The following XG variants were observed in gnomAD, a reference collection of about 807,000 sequenced individuals.
XG encodes Xg glycoprotein (Xg blood group), also known as glycoprotein Xg.
In XG, 24 loss-of-function variants were observed where a neutral mutation model predicts 25.7. The observed-to-expected ratio is 0.93, with a 90% confidence interval of 0.68 to 1.31. XG has a LOEUF of 1.31. Among genes scored for constraint, XG ranks in the 40% most tolerant of loss-of-function variants. The probability of loss-of-function intolerance (pLI) is 0.00; values close to 1 mark genes in which losing one functional copy is unlikely to be tolerated. For synonymous variants in XG, 77 were observed against 69.2 expected, an observed-to-expected ratio of 1.11 and a Z score of -0.56; for missense variants, 181 against 187.6, an observed-to-expected ratio of 0.96 and a Z score of 0.21.
Position 2,769,633 on chromosome X carries a change from AG to A in XG, c.62-915del, listed in dbSNP as rs771711729. On this transcript the variant is annotated intron_variant, in intron 1 of 10. Transcript: ENST00000644266. Reference sequence around the variant, plus strand: ...CAGGGGCAAGTGAGGAACAAGATCAAGGTGTGCATATATGTCAGCAAGAGGG... The same window carrying A: ...CAGGGGCAAGTGAGGAACAAGATCAAGTGTGCATATATGTCAGCAAGAGGG... Among the ~76,000 whole-genome samples the A allele has an allele frequency of 1.5e-3, 232 of 152,318 alleles. 2 individuals carry two copies. Among genetic ancestry groups the A allele is most frequent in the African/African-American group, 5.3e-3 (220 of 41,582 alleles).
intron 8 of XG, among the ~76,000 whole-genome samples, chrX:2,807,149 A>G (rs367699744): frequency 8.9e-5 from 10 of 112,078 alleles, no homozygotes; most frequent in Non-Finnish European, 1.9e-4. Context: ...ACACATGTGG[A>G]TTGAGCACAT....
chrX:2,776,706 G>A (rs1880723868), intron 3 of XG, among the ~76,000 whole-genome samples: 1 of 152,160 alleles, frequency 6.6e-6, no homozygotes, highest in African/African-American at 2.4e-5. Context: ...AAATTTGCCA[G>A]GCATGGTGGC....
chrX:2,790,816 G>A lies in XG; in HGVS notation c.253+1110G>A, dbSNP rs1236062881. 2.7e-5 allele frequency among the ~76,000 whole-genome samples: 3 copies of A among 111,477 alleles called. No homozygotes were observed. In the East Asian group the frequency reaches 8.4e-4, roughly 31 times the overall value. On this transcript the variant is annotated intron_variant, in intron 5 of 10. Coordinates refer to ENST00000644266, the MANE Select transcript of XG (RefSeq NM_001141919.2). ...ACTCTGTCTCAAAAAAAGGCGGGGG[G>A]GTGGTTGGATACAAGTATTATTTAA...
At chrX:2,784,018 C>G (rs987177328) in intron 4 of XG, among the ~76,000 whole-genome samples, 1 of 111,305 alleles carries the variant, frequency 9.0e-6, no homozygotes, top group Admixed American at 9.5e-5. Flanking sequence ...AACAAAACCC[C>G]AAAACACCAC....
chrX:2,763,075 G>A (rs2050600404), intron 1 of XG, among the ~76,000 whole-genome samples: 1 of 152,156 alleles, frequency 6.6e-6, no homozygotes, highest in Non-Finnish European at 1.5e-5. Context: ...GTGTAGTGGT[G>A]CAATCTTGGC....
At chrX:2,780,866 C>T (rs887875228) in intron 3 of XG, among the ~76,000 whole-genome samples, 3 of 152,100 alleles carry the variant, frequency 2.0e-5, no homozygotes, top group African/African-American at 7.2e-5. Flanking sequence ...TTCTGATTAG[C>T]CTTTCCAAAG....
intron 1 of XG, among the ~76,000 whole-genome samples, chrX:2,765,215 G>A (rs1009440922): frequency 6.6e-6 from 1 of 151,656 alleles, no homozygotes; most frequent in Non-Finnish European, 1.5e-5. Context: ...GGCATAGTAG[G>A]GGGCGCCTGT....
At chrX:2,801,144 AAG>A (rs754043295) in intron 7 of XG, among the ~76,000 whole-genome samples, 1 of 110,927 alleles carries the variant, frequency 9.0e-6, no homozygotes, top group East Asian at 2.8e-4. Flanking sequence ...GCAATAGAGA[AAG>A]AGTTTAATTC....
chrX:2,764,023 A>G (rs1433456117), intron 1 of XG, among the ~76,000 whole-genome samples: 1 of 152,188 alleles, frequency 6.6e-6, no homozygotes, highest in Non-Finnish European at 1.5e-5. Context: ...GGAGGTTGAC[A>G]CAAGAAACAA....
intron 1 of XG, among the ~76,000 whole-genome samples, chrX:2,757,971 CAAAAAAAAAAAAAA>C (rs59540338): frequency 3.5e-4 from 31 of 88,648 alleles, no homozygotes; most frequent in African/African-American, 6.4e-4. Flanking sequence ...GACTCCATCT[CAAAAAAAAAAAAAA>C]AAAAAAAAAA....
chrX:2,788,242 G>C (rs761853568), intron 4 of XG, among the ~76,000 whole-genome samples: 7 of 112,298 alleles, frequency 6.2e-5, no homozygotes, highest in Non-Finnish European at 1.1e-4. Context: ...TTTCACTCTT[G>C]AGCCAATGTG....
At chrX:2,782,019 G>T in intron 3 of XG, 47 bp from the exon 4 acceptor site, 1 of 1,170,911 alleles carries the variant, frequency 8.5e-7, no homozygotes, top group Non-Finnish European at 1.2e-6. Flanking sequence ...GCTCCTAAGG[G>T]AAGGACAATT....
chrX:2,776,007 G>A (rs1302115775), intron 3 of XG, among the ~76,000 whole-genome samples: 1 of 151,354 alleles, frequency 6.6e-6, no homozygotes, highest in Non-Finnish European at 1.5e-5. Flanking sequence ...ATAATTCCCG[G>A]GGCCGGGCGC....
At chrX:2,813,764 T>C (rs2147100067) in intron 10 of XG, among the ~76,000 whole-genome samples, 1 of 112,385 alleles carries the variant, frequency 8.9e-6, no homozygotes, top group African/African-American at 3.2e-5. Context: ...TCAGAAGTTA[T>C]AAAGACCAAC....
chrX:2,770,732 C>T, intron 2 of XG, 141 bp downstream of exon 2: 1 of 971,826 alleles, frequency 1.0e-6, no homozygotes, highest in Non-Finnish European at 1.6e-6. Context: ...CAGGAGATTG[C>T]AGACACCTTG....
At position 2,752,307 on chromosome X, in the gene XG, G is replaced by A. The variant is rs144280532; in HGVS notation, c.33G>A (p.Ala11=). 20 of 1,613,586 alleles carry A rather than the reference G, an allele frequency of 1.2e-5. No individual in the cohort carries two copies. Among genetic ancestry groups the A allele is most frequent in the South Asian group, 3.3e-5 (3 of 91,056 alleles). The change falls in exon 1 of 11, where the codon GCG becomes GCA. Residue 11 remains alanine (A), a synonymous_variant. Coordinates refer to ENST00000644266, the MANE Select transcript of XG (RefSeq NM_001141919.2). The part of the protein sequence containing the change: MESWWGLPCL[A]FLCFLMHARG... ...GCTGGTGGGGACTTCCCTGTCTTGC[G>A]TTCCTGTGTTTTCTAATGCACGCCC...
At chrX:2,813,433 C>T (rs1339988936) in intron 10 of XG, among the ~76,000 whole-genome samples, 2 of 112,280 alleles carry the variant, frequency 1.8e-5, no homozygotes, top group African/African-American at 3.2e-5. Flanking sequence ...CAGAGCTCTG[C>T]GAACTTGACT....
At chrX:2,775,946 ATT>A in intron 3 of XG, among the ~76,000 whole-genome samples, 1 of 130,366 alleles carries the variant, frequency 7.7e-6, no homozygotes, top group Non-Finnish European at 1.6e-5. Flanking sequence ...ACAGAGTGAG[ATT>A]CCGTCTCAAA....
chrX:2,810,242 G>C (rs904701211), intron 9 of XG, among the ~76,000 whole-genome samples: 1 of 112,099 alleles, frequency 8.9e-6, no homozygotes, highest in Non-Finnish European at 1.9e-5. Flanking sequence ...GCATGGAAAG[G>C]GTGGCTATTT....
Sources: allele counts gnomAD v4.1 joint callset (sites outside exome capture counted in the v4.1 genomes callset), GRCh38; gene constraint gnomAD v4.1.1; transcripts MANE v1.5; gene names NCBI Gene and HGNC (gene_info 2026-07-23, HGNC 2026-07-21).